The following LRATD2 variants were observed in gnomAD, a reference collection of about 807,000 sequenced individuals.
LRATD2 encodes LRAT domain containing 2.
In LRATD2, 10 loss-of-function variants were observed where a neutral mutation model predicts 12.0. The ratio of observed to expected loss-of-function variants is 0.83; its 90% CI spans 0.51 to 1.41. The LOEUF (loss-of-function observed/expected upper bound fraction) is 1.41. LRATD2 is among the 40% of genes most tolerant of loss of function. The probability of loss-of-function intolerance (pLI) is 0.00; values close to 1 mark genes in which losing one functional copy is unlikely to be tolerated. For synonymous variants in LRATD2, 220 were observed against 205.8 expected, an observed-to-expected ratio of 1.07 and a Z score of -0.59; for missense variants, 455 against 446.1, an observed-to-expected ratio of 1.02 and a Z score of -0.18.
chr8:126,556,809 C>T lies in LRATD2; in HGVS notation c.581G>A (p.Arg194His), dbSNP rs1468687466. 9 of 1,599,960 alleles carry T rather than the reference C, an allele frequency of 5.6e-6. No individual in the cohort carries two copies. In the East Asian group the frequency reaches 2.0e-4, roughly 36 times the overall value. ...CTCCGAGTTGCGCCAGCTCAGCTCG[C>T]GCTCCTTGGCACCCACGTGCGCCAG... ...NALAHVGAKE[R>H]ELSWRNSESF... Residue 194 changes from arginine to histidine, a missense_variant, in exon 2 of 2, where the codon CGC (arginine) becomes CAC (histidine). Transcript: ENST00000304916. This position sits in a 1 kb window ranked among gnomAD's most constrained non-coding sequence, Gnocchi z 5.6.
rs1339229191 is a variant in LRATD2 at position 126,557,683 on chromosome 8, C to G, written c.-96-198G>C. The stretch of plus-strand genomic sequence containing the variant: ...CTGGGCAACTCCTGTTCTCCCTGTC[C>G]CCAGCCCTTCGCCTGGCCCTGGCAA... On this transcript the variant is annotated intron_variant, in intron 1 of 1. Transcript: ENST00000304916. This position sits in a 1 kb window ranked among gnomAD's most constrained non-coding sequence, Gnocchi z 5.3. 1 of 439,800 alleles carries G rather than the reference C, an allele frequency of 2.3e-6. No individual in the cohort carries two copies. The highest frequency in any genetic ancestry group is 4.0e-6 in the Non-Finnish European group (1 of 248,156). The allele number at this position is 439,800 out of a possible 1,614,324, so 27.2% of individuals were successfully genotyped here.
Position 126,552,620 on chromosome 8 carries a change from C to T in LRATD2, c.*3837G>A, listed in dbSNP as rs1218876978. The T allele has an allele frequency of 6.6e-6, 1 of 152,648 alleles. No individual in the cohort carries two copies. The highest frequency in any genetic ancestry group is 1.5e-5 in the Non-Finnish European group (1 of 68,042). The allele number at this position is 152,648 out of a possible 1,614,324, so 9.5% of individuals were successfully genotyped here. On this transcript the variant is annotated 3_prime_UTR_variant, in exon 2 of 2. Transcript: ENST00000304916. ...GAAATGATACAATTTCAAATCGGAACTTCCTTCTCAAGAAGTGATATAAGA... is the reference window on the plus strand; with the variant it reads ...GAAATGATACAATTTCAAATCGGAATTTCCTTCTCAAGAAGTGATATAAGA...
chr8:126,553,376 T>G lies in LRATD2; in HGVS notation c.*3081A>C, dbSNP rs1397599613. 2 of 152,678 alleles carry G rather than the reference T, an allele frequency of 1.3e-5. No individual in the cohort carries two copies. Among genetic ancestry groups the G allele is most frequent in the Non-Finnish European group, 2.9e-5 (2 of 68,048 alleles). The allele number at this position is 152,678 out of a possible 1,614,324, so 9.5% of individuals were successfully genotyped here. Reference sequence around the variant, plus strand: ...AAAATAGAAATTTGTCTGCTTTCATTTAGCATACGTTCCAGTCGATGTCCT... The same window carrying G: ...AAAATAGAAATTTGTCTGCTTTCATGTAGCATACGTTCCAGTCGATGTCCT... On this transcript the variant is annotated 3_prime_UTR_variant, in exon 2 of 2. Coordinates refer to ENST00000304916, the MANE Select transcript of LRATD2 (RefSeq NM_174911.5).
At position 126,554,761 on chromosome 8, in the gene LRATD2, A is replaced by C. The variant is rs1175084406; in HGVS notation, c.*1696T>G. 6.6e-6 allele frequency: 1 copy of C among 152,162 alleles called. No individual in the cohort carries two copies. Among genetic ancestry groups the C allele is most frequent in the Admixed American group, 6.5e-5 (1 of 15,268 alleles). 9.4% of individuals were successfully genotyped at this position (152,162 alleles called of 1,614,324 possible). On this transcript the variant is annotated 3_prime_UTR_variant, in exon 2 of 2. Coordinates refer to ENST00000304916, the MANE Select transcript of LRATD2 (RefSeq NM_174911.5). The stretch of plus-strand genomic sequence containing the variant: ...GACGATAGCCATGGCTGTACCACTT[A>C]ACTATGATTCTATTCCAACTGTTCA...
rs1273657820 is a variant in LRATD2 at position 126,556,571 on chromosome 8, C to T, written c.819G>A (p.Leu273=). 1.2e-6 allele frequency: 2 copies of T among 1,609,184 alleles called. No individual in the cohort carries two copies. Among genetic ancestry groups the T allele is most frequent in the South Asian group, 2.2e-5 (2 of 90,596 alleles). ...CGCCCTCCTCCGGCTCCGCCGGGTG[C>T]AGGTGCGTGGCGAGCTCCTGCAGCA... ...AAVLQELATH[L]HPAEPEEGDS... is the part of the protein sequence containing the mutation. The change falls in exon 2 of 2, where the codon CTG becomes CTA. Residue 273 remains leucine (L), a synonymous_variant. Transcript: ENST00000304916. The surrounding 1 kb of genome is among the most constrained non-coding windows in gnomAD (Gnocchi z 5.6).
At position 126,557,249 on chromosome 8, in the gene LRATD2, C is replaced by A. The variant is rs899945693; in HGVS notation, c.141G>T (p.Pro47=). Residue 47 remains proline, a synonymous_variant, in exon 2 of 2, where the codon CCG becomes CCT. Transcript: ENST00000304916. This position sits in a 1 kb window ranked among gnomAD's most constrained non-coding sequence, Gnocchi z 5.3. ...CATCTGGCCCCTGAGGCGGCGGCTG[C>A]GGCTCCACGTCCTCATCGTCATTGG... The part of the protein sequence containing the change: ...IFSNDDEDVE[P]QPPPQGPDGG... The A allele has an allele frequency of 6.2e-7, 1 of 1,605,920 alleles. No homozygotes were observed. The highest frequency in any genetic ancestry group is 1.3e-5 in the African/African-American group (1 of 74,906).
chr8:126,553,384 C>T lies in LRATD2; in HGVS notation c.*3073G>A, dbSNP rs1586529259. 6.6e-6 allele frequency: 1 copy of T among 152,626 alleles called. No individual in the cohort carries two copies. Among genetic ancestry groups the T allele is most frequent in the Non-Finnish European group, 1.5e-5 (1 of 68,052 alleles). 9.5% of individuals were successfully genotyped at this position (152,626 alleles called of 1,614,324 possible). On this transcript the variant is annotated 3_prime_UTR_variant, in exon 2 of 2. Coordinates refer to ENST00000304916, the MANE Select transcript of LRATD2 (RefSeq NM_174911.5). ...AATTTGTCTGCTTTCATTTAGCATA[C>T]GTTCCAGTCGATGTCCTGCTTATCC... is the stretch of plus-strand genomic sequence containing the variant.
Position 126,556,735 on chromosome 8 carries a change from C to T in LRATD2, c.655G>A (p.Gly219Ser), listed in dbSNP as rs1190860250. 3 of 1,604,300 alleles carry T rather than the reference C, an allele frequency of 1.9e-6. No individual in the cohort carries two copies. ...RYGKREFKIG[G>S]ELRIGKQPYR... Reference sequence around the variant, plus strand: ...GGCTGCTTGCCGATGCGCAGCTCGCCGCCGATCTTGAACTCGCGCTTGCCG... The same window carrying T: ...GGCTGCTTGCCGATGCGCAGCTCGCTGCCGATCTTGAACTCGCGCTTGCCG... Residue 219 changes from glycine to serine, a missense_variant, in exon 2 of 2, where the codon GGC (glycine) becomes AGC (serine). Coordinates refer to ENST00000304916, the MANE Select transcript of LRATD2 (RefSeq NM_174911.5). This position sits in a 1 kb window ranked among gnomAD's most constrained non-coding sequence, Gnocchi z 5.6.
rs1334544694 is a variant in LRATD2 at position 126,557,668 on chromosome 8, C to G, written c.-96-183G>C. 2 of 486,582 alleles carry G rather than the reference C, an allele frequency of 4.1e-6. No homozygotes were observed. Among genetic ancestry groups the G allele is most frequent in the African/African-American group, 4.1e-5 (2 of 49,166 alleles). 30.1% of individuals were successfully genotyped at this position (486,582 alleles called of 1,614,324 possible). On this transcript the variant is annotated intron_variant, in intron 1 of 1. Transcript: ENST00000304916. This position sits in a 1 kb window ranked among gnomAD's most constrained non-coding sequence, Gnocchi z 5.3. ...CACGGTCACAGGAGACTGGGCAACTCCTGTTCTCCCTGTCCCCAGCCCTTC... is the reference window on the plus strand; with the variant it reads ...CACGGTCACAGGAGACTGGGCAACTGCTGTTCTCCCTGTCCCCAGCCCTTC...
Position 126,557,467 on chromosome 8 carries a change from G to T in LRATD2, c.-78C>A. The T allele has an allele frequency of 6.7e-7, 1 of 1,484,650 alleles. No individual in the cohort carries two copies. The highest frequency in any genetic ancestry group is 9.2e-7 in the Non-Finnish European group (1 of 1,092,624). 92.0% of individuals were successfully genotyped at this position (1,484,650 alleles called of 1,614,324 possible). A position where few individuals can be genotyped will look rare whatever the true frequency, so the allele number is the denominator to read the frequency against. On this transcript the variant is annotated 5_prime_UTR_variant, in exon 2 of 2. Coordinates refer to ENST00000304916, the MANE Select transcript of LRATD2 (RefSeq NM_174911.5). The surrounding 1 kb of genome is among the most constrained non-coding windows in gnomAD (Gnocchi z 5.3). ...TCCAGGGTCATTTGCACAGGTCCCC[G>T]GACAGGGGCTGAGGCTACCTGTTGG...
Position 126,557,596 on chromosome 8 carries a change from A to T in LRATD2, c.-96-111T>A. 3.4e-6 allele frequency: 2 copies of T among 595,022 alleles called. No homozygotes were observed. The highest frequency in any genetic ancestry group is 3.3e-5 in the Admixed American group (1 of 29,946). 36.9% of individuals were successfully genotyped at this position (595,022 alleles called of 1,614,324 possible). Reference sequence around the variant, plus strand: ...CAGCACCTGGAGCCATTTTAGGGGGAAGTCTCGGGTGTAGCGAGCTTTCCC... The same window carrying T: ...CAGCACCTGGAGCCATTTTAGGGGGTAGTCTCGGGTGTAGCGAGCTTTCCC... On this transcript the variant is annotated intron_variant, in intron 1 of 1. Coordinates refer to ENST00000304916, the MANE Select transcript of LRATD2 (RefSeq NM_174911.5). This position sits in a 1 kb window ranked among gnomAD's most constrained non-coding sequence, Gnocchi z 5.3.
Position 126,554,197 on chromosome 8 carries a change from G to C in LRATD2, c.*2260C>G, listed in dbSNP as rs1363823633. ...ATTTTCTGTATTTGTGGTAGAGACA[G>C]GGTTTCGCCATGTTGGCCAGGCTGG... On this transcript the variant is annotated 3_prime_UTR_variant, in exon 2 of 2. Coordinates refer to ENST00000304916, the MANE Select transcript of LRATD2 (RefSeq NM_174911.5). 1 of 152,272 alleles carries C rather than the reference G, an allele frequency of 6.6e-6. No homozygotes were observed. The highest frequency in any genetic ancestry group is 1.5e-5 in the Non-Finnish European group (1 of 68,072). 9.4% of individuals were successfully genotyped at this position (152,272 alleles called of 1,614,324 possible).
In LRATD2 at chr8:126,553,388, C is replaced by G. The variant is rs1817320600; in HGVS notation, c.*3069G>C. The stretch of plus-strand genomic sequence containing the variant: ...TGTCTGCTTTCATTTAGCATACGTT[C>G]CAGTCGATGTCCTGCTTATCCCTGC... On this transcript the variant is annotated 3_prime_UTR_variant, in exon 2 of 2. Coordinates refer to ENST00000304916, the MANE Select transcript of LRATD2 (RefSeq NM_174911.5). The G allele has an allele frequency of 6.6e-6, 1 of 152,644 alleles. No individual in the cohort carries two copies. Among genetic ancestry groups the G allele is most frequent in the African/African-American group, 2.4e-5 (1 of 41,454 alleles). 9.5% of individuals were successfully genotyped at this position (152,644 alleles called of 1,614,324 possible).
Position 126,557,582 on chromosome 8 carries a change from GCCATTTTAGGGGGAAGT to G in LRATD2, c.-96-114_-96-98del. 1 of 619,216 alleles carries G rather than the reference GCCATTTTAGGGGGAAGT, an allele frequency of 1.6e-6. No individual in the cohort carries two copies. The highest frequency in any genetic ancestry group is 2.1e-5 in the South Asian group (1 of 48,302). The allele number at this position is 619,216 out of a possible 1,614,324, so 38.4% of individuals were successfully genotyped here. On this transcript the variant is annotated intron_variant, in intron 1 of 1. Transcript: ENST00000304916. The surrounding 1 kb of genome is among the most constrained non-coding windows in gnomAD (Gnocchi z 5.3). ...AATCGGTGGGGGCTCAGCACCTGGAGCCATTTTAGGGGGAAGTCTCGGGTGTAGCGAGCTTTCCCTCG... is the reference window on the plus strand; with the variant it reads ...AATCGGTGGGGGCTCAGCACCTGGAGCTCGGGTGTAGCGAGCTTTCCCTCG...
rs1817388456 is a variant in LRATD2 at position 126,556,255 on chromosome 8, T to C, written c.*202A>G. 7.0e-6 allele frequency: 4 copies of C among 574,496 alleles called. No homozygotes were observed. The highest frequency in any genetic ancestry group is 1.1e-5 in the Non-Finnish European group (4 of 350,130). 35.6% of individuals were successfully genotyped at this position (574,496 alleles called of 1,614,324 possible). A position where few individuals can be genotyped will look rare whatever the true frequency, so the allele number is the denominator to read the frequency against. Reference sequence around the variant, plus strand: ...AGACGCCCCCCACCCCCAACTAAAGTGTTTCCTACCTGCTCCCTCTGTCCC... The same window carrying C: ...AGACGCCCCCCACCCCCAACTAAAGCGTTTCCTACCTGCTCCCTCTGTCCC... On this transcript the variant is annotated 3_prime_UTR_variant, in exon 2 of 2. Transcript: ENST00000304916. This position sits in a 1 kb window ranked among gnomAD's most constrained non-coding sequence, Gnocchi z 5.6.
Position 126,556,262 on chromosome 8 carries a change from T to TGA in LRATD2, c.*194_*195insTC, listed in dbSNP as rs1817388976. 1 of 620,386 alleles carries TGA rather than the reference T, an allele frequency of 1.6e-6. No homozygotes were observed. Among genetic ancestry groups the TGA allele is most frequent in the Admixed American group, 3.8e-5 (1 of 26,308 alleles). 38.4% of individuals were successfully genotyped at this position (620,386 alleles called of 1,614,324 possible). ...CCCCACCCCCAACTAAAGTGTTTCCTACCTGCTCCCTCTGTCCCCTTCCTC... is the reference window on the plus strand; with the variant it reads ...CCCCACCCCCAACTAAAGTGTTTCCTGAACCTGCTCCCTCTGTCCCCTTCCTC... On this transcript the variant is annotated 3_prime_UTR_variant, in exon 2 of 2. Coordinates refer to ENST00000304916, the MANE Select transcript of LRATD2 (RefSeq NM_174911.5). This position sits in a 1 kb window ranked among gnomAD's most constrained non-coding sequence, Gnocchi z 5.6.
chr8:126,557,234 C>G lies in LRATD2; in HGVS notation c.156G>C (p.Gln52His). The G allele has an allele frequency of 6.2e-7, 1 of 1,603,590 alleles. No homozygotes were observed. Among genetic ancestry groups the G allele is most frequent in the East Asian group, 2.3e-5 (1 of 44,438 alleles). ...DEDVEPQPPP[Q>H]GPDGGGLPDG... ...CGGGCAAGCCGCCGCCATCTGGCCC[C>G]TGAGGCGGCGGCTGCGGCTCCACGT... is the stretch of plus-strand genomic sequence containing the variant. The change falls in exon 2 of 2, where the codon CAG becomes CAC. Residue 52 changes from glutamine to histidine, a missense_variant. Gln to His is a conservative substitution (Grantham distance 24). Transcript: ENST00000304916. The surrounding 1 kb of genome is among the most constrained non-coding windows in gnomAD (Gnocchi z 5.3).
chr8:126,555,505 C>G lies in LRATD2; in HGVS notation c.*952G>C, dbSNP rs1438316844. The G allele has an allele frequency of 6.6e-6, 1 of 152,604 alleles. No individual in the cohort carries two copies. The highest frequency in any genetic ancestry group is 1.9e-4 in the East Asian group (1 of 5,202). 9.5% of individuals were successfully genotyped at this position (152,604 alleles called of 1,614,324 possible). A position where few individuals can be genotyped will look rare whatever the true frequency, so the allele number is the denominator to read the frequency against. On this transcript the variant is annotated 3_prime_UTR_variant, in exon 2 of 2. Transcript: ENST00000304916. ...ATAGATACTTTATGGAGTGGCACAG[C>G]CAACCCTATCTGTGACCTGCCCTGC...
At position 126,557,467 on chromosome 8, in the gene LRATD2, G is replaced by A; in HGVS notation, c.-78C>T. 1.3e-6 allele frequency: 2 copies of A among 1,484,654 alleles called. No homozygotes were observed. Among genetic ancestry groups the A allele is most frequent in the Non-Finnish European group, 1.8e-6 (2 of 1,092,630 alleles). The allele number at this position is 1,484,654 out of a possible 1,614,324, so 92.0% of individuals were successfully genotyped here. On this transcript the variant is annotated 5_prime_UTR_variant, in exon 2 of 2. Coordinates refer to ENST00000304916, the MANE Select transcript of LRATD2 (RefSeq NM_174911.5). The surrounding 1 kb of genome is among the most constrained non-coding windows in gnomAD (Gnocchi z 5.3). Reference sequence around the variant, plus strand: ...TCCAGGGTCATTTGCACAGGTCCCCGGACAGGGGCTGAGGCTACCTGTTGG... The same window carrying A: ...TCCAGGGTCATTTGCACAGGTCCCCAGACAGGGGCTGAGGCTACCTGTTGG...
Sources: allele counts gnomAD v4.1 joint callset, GRCh38; gene constraint gnomAD v4.1.1; non-coding constraint Gnocchi (gnomAD v3.1); transcripts MANE v1.5; gene names NCBI Gene and HGNC (gene_info 2026-07-23, HGNC 2026-07-21).